Variants in MLLT10 observed in about 807,000 individuals in gnomAD.
MLLT10 encodes the protein protein AF-10.
Under a neutral mutation model 129.1 loss-of-function variants are expected in MLLT10, and 30 were observed. The observed-to-expected ratio is 0.23, with a 90% CI of 0.17 to 0.32. The LOEUF is 0.32. Among genes scored for constraint, MLLT10 ranks in the 10% least tolerant of loss-of-function variants. The probability of loss-of-function intolerance (pLI) is 1.00; values close to 1 mark genes in which losing one functional copy is unlikely to be tolerated. For missense variants in MLLT10, 1,119 were observed against 1,268.3 expected (o/e 0.88, Z 1.79); for synonymous variants, 490 against 446.4 (o/e 1.10, Z -1.23).
chr10:21,582,285 T>G (rs988170369), intron 3 of MLLT10, among the ~76,000 whole-genome samples: 1 of 151,890 alleles, frequency 6.6e-6, no homozygotes, highest in African/African-American at 2.4e-5. Context: ...ATGCAGCTAA[T>G]TTTTTTGTGT....
At chr10:21,569,516 G>A (rs1244911610) in intron 3 of MLLT10, among the ~76,000 whole-genome samples, 1 of 150,796 alleles carries the variant, frequency 6.6e-6, no homozygotes, top group Non-Finnish European at 1.5e-5. Flanking sequence ...CACCTCCTGG[G>A]TTCAAGCGAT....
intron 5 of MLLT10, among the ~76,000 whole-genome samples, chr10:21,597,211 G>C (rs920156135): frequency 1.3e-5 from 2 of 151,966 alleles, no homozygotes; most frequent in Non-Finnish European, 2.9e-5. Context: ...CATAAAGAAG[G>C]ATACTCTCTT....
At chr10:21,656,376 A>C (rs2049591262) in intron 9 of MLLT10, among the ~76,000 whole-genome samples, 1 of 152,146 alleles carries the variant, frequency 6.6e-6, no homozygotes, top group Admixed American at 6.5e-5. Flanking sequence ...ATACATGTAC[A>C]CAATGTGTAG....
At chr10:21,610,147 G>A (rs1004311508) in intron 5 of MLLT10, among the ~76,000 whole-genome samples, 1 of 152,152 alleles carries the variant, frequency 6.6e-6, no homozygotes, top group Non-Finnish European at 1.5e-5. Context: ...ATAGCTTCTT[G>A]TTTTTCCAGT....
chr10:21,605,763 T>C (rs186073639), intron 5 of MLLT10, among the ~76,000 whole-genome samples: 6 of 152,296 alleles, frequency 3.9e-5, no homozygotes, highest in Non-Finnish European at 7.4e-5. Context: ...CTATTTTTCT[T>C]GGGTTATTTT....
intron 5 of MLLT10, among the ~76,000 whole-genome samples, chr10:21,602,738 T>G (rs2043667016): frequency 6.6e-6 from 1 of 152,118 alleles, no homozygotes; most frequent in Admixed American, 6.5e-5. Context: ...AAACTCTTTT[T>G]TTTTTTTTGA....
chr10:21,556,831 T>C (rs2038078676), intron 3 of MLLT10: 1 of 1,556,678 alleles, frequency 6.4e-7, no homozygotes, highest in Non-Finnish European at 8.7e-7. Context: ...CTCAGTCATT[T>C]ACCACTTGTC....
chr10:21,700,135 G>T, intron 13 of MLLT10, among the ~76,000 whole-genome samples: 1 of 144,244 alleles, frequency 6.9e-6, no homozygotes. Flanking sequence ...AAACACTATA[G>T]TAAACAGGAC....
rs762247992 is a variant in MLLT10, at chr10:21,726,359, A to G, written c.1990+4A>G. ...CAGTCTGAAAACAATCAAACAGGTA[A>G]GTTTTCAAGAATTACTAACTCTAAA... On this transcript the variant is annotated splice_donor_region_variant and intron_variant, in intron 15 of 22. Coordinates refer to ENST00000307729, the MANE Select transcript of MLLT10 (RefSeq NM_001195626.3). The G allele has an allele frequency of 6.3e-6, 10 of 1,587,102 alleles. No homozygotes were observed. The highest frequency in any genetic ancestry group is 8.6e-6 in the Non-Finnish European group (10 of 1,157,368).
At chr10:21,727,229 G>A (rs1329388469) in intron 15 of MLLT10, among the ~76,000 whole-genome samples, 1 of 152,162 alleles carries the variant, frequency 6.6e-6, no homozygotes, top group Non-Finnish European at 1.5e-5. Context: ...GGAAATACAA[G>A]TTACTTTCCA....
intron 9 of MLLT10, chr10:21,669,136 G>A (rs1564615243): frequency 1.0e-5 from 12 of 1,179,938 alleles, no homozygotes; most frequent in Non-Finnish European, 1.3e-5. Context: ...ACTTTGAAAC[G>A]TTTGTTCTTG....
chr10:21,676,634 T>C (rs1312881777), intron 11 of MLLT10, among the ~76,000 whole-genome samples: 4 of 138,158 alleles, frequency 2.9e-5, no homozygotes, highest in Non-Finnish European at 6.0e-5. Flanking sequence ...GGCAGGAGAA[T>C]CGCTTAAACC....
chr10:21,640,920 C>T (rs2047938643), intron 8 of MLLT10, among the ~76,000 whole-genome samples: 1 of 152,308 alleles, frequency 6.6e-6, no homozygotes, highest in Middle Eastern at 3.4e-3. Flanking sequence ...GCTTAGGTTT[C>T]TTCCATCTTG....
intron 13 of MLLT10, among the ~76,000 whole-genome samples, chr10:21,712,426 A>G (rs918506268): frequency 6.6e-6 from 1 of 152,090 alleles, no homozygotes; most frequent in Non-Finnish European, 1.5e-5. Context: ...TGTCCAGGCT[A>G]TGTTGATGTT....
chr10:21,652,038 G>A (rs550764079), intron 9 of MLLT10, among the ~76,000 whole-genome samples: 3 of 147,292 alleles, frequency 2.0e-5, no homozygotes, highest in South Asian at 2.2e-4. Context: ...TCAGACTCCC[G>A]AGTAGCTGGG....
intron 8 of MLLT10, among the ~76,000 whole-genome samples, chr10:21,646,896 C>T (rs1375880092): frequency 6.6e-6 from 1 of 150,584 alleles, no homozygotes; most frequent in African/African-American, 2.5e-5. Context: ...CGCTCTGTCG[C>T]CCAGGCTGGA....
intron 15 of MLLT10, 46 bp downstream of exon 15, chr10:21,726,401 CTTTAA>C (rs771832745): frequency 1.5e-6 from 2 of 1,370,478 alleles, no homozygotes; most frequent in South Asian, 1.3e-5. Context: ...CTCTCACCTA[CTTTAA>C]TTTTTTTCCC....
At chr10:21,697,548 A>G (rs895607942) in intron 13 of MLLT10, among the ~76,000 whole-genome samples, 3 of 152,222 alleles carry the variant, frequency 2.0e-5, no homozygotes, top group African/African-American at 4.8e-5. Flanking sequence ...ATTGTGTTCA[A>G]TTGTATAGAT....
chr10:21,535,511 G>C (rs1307117960), intron 2 of MLLT10, among the ~76,000 whole-genome samples: 1 of 152,204 alleles, frequency 6.6e-6, no homozygotes, highest in African/African-American at 2.4e-5. Flanking sequence ...GGTGGCTGAA[G>C]AGGTGGCGGT....
Sources: allele counts gnomAD v4.1 joint callset (sites outside exome capture counted in the v4.1 genomes callset), GRCh38; gene constraint gnomAD v4.1.1; transcripts MANE v1.5; gene names NCBI Gene and HGNC (gene_info 2026-07-23, HGNC 2026-07-21).